The following ALKBH1 variants were observed in gnomAD, a reference collection of about 807,000 sequenced individuals.
ALKBH1 encodes nucleic acid dioxygenase ALKBH1.
A neutral mutation model predicts 36.6 loss-of-function variants in ALKBH1; 31 were observed. The ratio of observed to expected loss-of-function variants is 0.85; its 90% confidence interval spans 0.64 to 1.14. The LOEUF (loss-of-function observed/expected upper bound fraction) is 1.14. Ranked by LOEUF, ALKBH1 falls within the 50% of genes most tolerant of loss-of-function variation. ALKBH1 has a pLI of 0.00. For synonymous variants in ALKBH1, 183 were observed against 186.6 expected (o/e 0.98, Z 0.16); for missense variants, 490 against 497.3 (o/e 0.99, Z 0.14).
At position 77,672,962 on chromosome 14, in the gene ALKBH1, T is replaced by C. The variant is rs1300864595; in HGVS notation, c.*850A>G. On this transcript the variant is annotated 3_prime_UTR_variant, in exon 6 of 6. Coordinates refer to ENST00000216489, the MANE Select transcript of ALKBH1 (RefSeq NM_006020.3). ...GGCAGAAACAGCTAGAGGGCTTCAA[T>C]AGCATGAACAATACAGCAAAGAAAA... The C allele has an allele frequency of 6.6e-6, 1 of 151,984 alleles. No individual in the cohort carries two copies. The highest frequency in any genetic ancestry group is 1.5e-5 in the Non-Finnish European group (1 of 68,028). 9.4% of individuals were successfully genotyped at this position (151,984 alleles called of 1,614,324 possible).
At chr14:77,698,853 A>G (rs942000432) in intron 2 of ALKBH1, among the ~76,000 whole-genome samples, 1 of 152,202 alleles carries the variant, frequency 6.6e-6, no homozygotes, top group African/African-American at 2.4e-5. Flanking sequence ...GGTTCAAGCG[A>G]TTCTTCTGCC....
At chr14:77,702,461 T>A (rs1480424423) in intron 2 of ALKBH1, among the ~76,000 whole-genome samples, 1 of 152,062 alleles carries the variant, frequency 6.6e-6, no homozygotes, top group South Asian at 2.1e-4. Flanking sequence ...ATTTCGGTGG[T>A]CATAACGTAT....
chr14:77,703,114 C>A (rs1001730024), intron 2 of ALKBH1, among the ~76,000 whole-genome samples: 1 of 151,918 alleles, frequency 6.6e-6, no homozygotes, highest in Non-Finnish European at 1.5e-5. Context: ...CCACTGTACT[C>A]CAGCCTGGGC....
intron 3 of ALKBH1, among the ~76,000 whole-genome samples, chr14:77,690,973 G>T (rs964540068): frequency 6.6e-6 from 1 of 151,944 alleles, no homozygotes; most frequent in African/African-American, 2.4e-5. Flanking sequence ...GGCTAATTTT[G>T]TATTTTTAGT....
chr14:77,688,862 G>A (rs10136053), intron 3 of ALKBH1, among the ~76,000 whole-genome samples: 27,251 of 152,044 alleles, frequency 0.18, 2,567 homozygotes, highest in East Asian at 0.26. Context: ...GTGAGCCACC[G>A]CGCCTGGCCT....
chr14:77,705,190 G>A (rs991218592), intron 1 of ALKBH1, among the ~76,000 whole-genome samples: 4 of 152,004 alleles, frequency 2.6e-5, no homozygotes, highest in Admixed American at 6.6e-5. Context: ...TGAGGCAGGC[G>A]GATCACGAGG....
chr14:77,678,391 T>C (rs1430311508), intron 4 of ALKBH1, among the ~76,000 whole-genome samples: 2 of 152,206 alleles, frequency 1.3e-5, no homozygotes, highest in East Asian at 1.9e-4. Flanking sequence ...GAGCAGTTAA[T>C]GTATCTAAGT....
At chr14:77,703,243 A>G (rs927392430) in intron 2 of ALKBH1, among the ~76,000 whole-genome samples, 7 of 151,898 alleles carry the variant, frequency 4.6e-5, no homozygotes, top group Admixed American at 6.6e-5. Flanking sequence ...TTGGCCTTCT[A>G]AAGTGTTGGG....
intron 2 of ALKBH1, among the ~76,000 whole-genome samples, chr14:77,700,976 T>C (rs1469113904): frequency 1.3e-5 from 2 of 152,068 alleles, no homozygotes; most frequent in Non-Finnish European, 2.9e-5. Flanking sequence ...AAGCCAATGG[T>C]CCCAGCTACT....
Position 77,704,405 on chromosome 14 carries a change from T to C in ALKBH1, c.256A>G (p.Ser86Gly), listed in dbSNP as rs145170478. 9.5e-5 allele frequency: 154 copies of C among 1,614,096 alleles called. No homozygotes were observed. The highest frequency in any genetic ancestry group is 4.3e-4 in the Admixed American group (26 of 60,000). Residue 86 changes from serine to glycine, a missense_variant, in exon 2 of 6, where the codon AGC (serine) becomes GGC (glycine). Ser to Gly is a moderately conservative substitution (Grantham distance 56). Coordinates refer to ENST00000216489, the MANE Select transcript of ALKBH1 (RefSeq NM_006020.3). ...NAYRAGLQPVSKWQAYGLKGY... is the reference protein window; with the variant it reads ...NAYRAGLQPVGKWQAYGLKGY... ...TTGAGTCCATAGGCTTGCCACTTGC[T>C]GACGGGCTGAAGACCTGCTCTATAT...
chr14:77,705,866 C>T (rs760265511), intron 1 of ALKBH1, among the ~76,000 whole-genome samples: 6 of 151,998 alleles, frequency 3.9e-5, no homozygotes, highest in Non-Finnish European at 7.4e-5. Flanking sequence ...TCCAGACTGG[C>T]CAACATGGCG....
rs2080406208 is a variant in ALKBH1, at chr14:77,707,947, C to T, written c.58G>A (p.Glu20Lys). Residue 20 changes from glutamate (E) to lysine (K), a missense_variant, in exon 1 of 6, where the codon GAG becomes AAG. Transcript: ENST00000216489. ...CGGAAAAGTTTCCGAAAGGCGTCCT[C>T]CCCGGGCTCAGTCGCCAGAGTCGCC... is the stretch of plus-strand genomic sequence containing the variant. The part of the protein sequence containing the change: ...SVATLATEPG[E>K]DAFRKLFRFY... 6.2e-7 allele frequency: 1 copy of T among 1,613,330 alleles called. No homozygotes were observed. The highest frequency in any genetic ancestry group is 2.2e-5 in the East Asian group (1 of 44,882).
intron 3 of ALKBH1, among the ~76,000 whole-genome samples, chr14:77,693,616 T>C (rs565158405): frequency 1.3e-5 from 2 of 152,302 alleles, no homozygotes; most frequent in South Asian, 4.1e-4. Context: ...ACTTTTTACT[T>C]TTCTGACTGG....
At chr14:77,675,968 C>T (rs768356990) in intron 4 of ALKBH1, 119 bp from the exon 5 acceptor site, 2 of 822,870 alleles carry the variant, frequency 2.4e-6, no homozygotes, top group Non-Finnish European at 3.7e-6. Context: ...AACATATTAA[C>T]ACAGCATTAT....
At chr14:77,693,063 G>A (rs1008059760) in intron 3 of ALKBH1, among the ~76,000 whole-genome samples, 1 of 151,822 alleles carries the variant, frequency 6.6e-6, no homozygotes, top group African/African-American at 2.4e-5. Flanking sequence ...AAAATTAGCC[G>A]GGTGTGGTGG....
chr14:77,696,672 C>A (rs1452367068), intron 2 of ALKBH1: 4 of 152,380 alleles, frequency 2.6e-5, no homozygotes, highest in African/African-American at 9.7e-5. Context: ...TAGCCAGGGA[C>A]TTTACCCTCA....
rs940663070 is a variant in ALKBH1 at position 77,673,582 on chromosome 14, A to T, written c.*230T>A. 1 of 550,414 alleles carries T rather than the reference A, an allele frequency of 1.8e-6. No individual in the cohort carries two copies. The highest frequency in any genetic ancestry group is 2.2e-5 in the South Asian group (1 of 44,858). 34.1% of individuals were successfully genotyped at this position (550,414 alleles called of 1,614,324 possible). A position where few individuals can be genotyped will look rare whatever the true frequency, so the allele number is the denominator to read the frequency against. ...TACCTCCTTGGACTGACTTCTCAAC[A>T]TACATTACAGCCAACATGTAACTAG... On this transcript the variant is annotated 3_prime_UTR_variant, in exon 6 of 6. Transcript: ENST00000216489.
chr14:77,700,854 G>A (rs1595059173), intron 2 of ALKBH1, among the ~76,000 whole-genome samples: 1 of 152,130 alleles, frequency 6.6e-6, no homozygotes, highest in South Asian at 2.1e-4. Context: ...CTGGGAGGCC[G>A]AGGCAGGGGG....
chr14:77,705,711 A>G lies in ALKBH1; in HGVS notation c.184-1234T>C, dbSNP rs554688981. Reference sequence around the variant, plus strand: ...CATTGAAGTCAAAACATTAAAGGAAAAAACCTTTATTCTTCCCTGAATAGT... The same window carrying G: ...CATTGAAGTCAAAACATTAAAGGAAGAAACCTTTATTCTTCCCTGAATAGT... On this transcript the variant is annotated intron_variant, in intron 1 of 5. Coordinates refer to ENST00000216489, the MANE Select transcript of ALKBH1 (RefSeq NM_006020.3). Among the ~76,000 whole-genome samples, 62 of 152,324 alleles carry G rather than the reference A, an allele frequency of 4.1e-4. No individual in the cohort carries two copies. The South Asian group carries it at 0.012, about 30-fold the overall frequency.
Sources: allele counts gnomAD v4.1 joint callset (sites outside exome capture counted in the v4.1 genomes callset), GRCh38; gene constraint gnomAD v4.1.1; transcripts MANE v1.5; gene names NCBI Gene and HGNC (gene_info 2026-07-23, HGNC 2026-07-21).